AZIN1: variants seen among roughly 807,000 people sequenced by gnomAD.
AZIN1 encodes antizyme inhibitor 1, also known as ornithine decarboxylase antizyme inhibitor.
A neutral mutation model predicts 47.4 loss-of-function variants in AZIN1; 12 were observed. The observed-to-expected ratio is 0.25, with a 90% CI of 0.16 to 0.41. The LOEUF (loss-of-function observed/expected upper bound fraction) is 0.41. Among genes scored for constraint, AZIN1 ranks in the 10% least tolerant of loss-of-function variants. The pLI, the probability that AZIN1 is intolerant of heterozygous loss-of-function variation, is 1.00. For synonymous variants in AZIN1, 155 were observed against 176.3 expected (o/e 0.88, Z 0.96); for missense variants, 410 against 532.4 (o/e 0.77, Z 2.26).
chr8:102,834,221 C>T lies in AZIN1; in HGVS notation c.709G>A (p.Gly237Arg). 1 of 1,612,734 alleles carries T rather than the reference C, an allele frequency of 6.2e-7. No homozygotes were observed. The highest frequency in any genetic ancestry group is 8.5e-7 in the Non-Finnish European group (1 of 1,179,772). ...FTMNMLDIGG[G>R]FTGTEFQLEE... The stretch of plus-strand genomic sequence containing the variant: ...AATTGAAATTCAGTTCCCGTGAATC[C>T]TCCACCAATGTCTAACATGTTCATC... The change falls in exon 8 of 12, where the codon GGA becomes AGA. Residue 237 changes from glycine (G) to arginine (R), a missense_variant. By Grantham distance (125) the Gly-to-Arg change is moderately radical (BLOSUM62 -2). Coordinates refer to ENST00000337198, the MANE Select transcript of AZIN1 (RefSeq NM_148174.4).
At chr8:102,844,660 T>C (rs1389683139) in intron 2 of AZIN1, among the ~76,000 whole-genome samples, 1 of 151,668 alleles carries the variant, frequency 6.6e-6, no homozygotes, top group Non-Finnish European at 1.5e-5. Context: ...TCATAGAGCA[T>C]ATAAATTAAA....
At position 102,843,532 on chromosome 8, in the gene AZIN1, T is replaced by G. The variant is rs1251904702; in HGVS notation, c.102+19A>C. 6.3e-7 allele frequency: 1 copy of G among 1,597,154 alleles called. No homozygotes were observed. The highest frequency in any genetic ancestry group is 1.3e-5 in the African/African-American group (1 of 74,688). ...AGCTTGGAAAATGACAAACACTGTA[T>G]TTGAGAAATGGCACTTACCAGGGTA... On this transcript the variant is annotated intron_variant, in intron 3 of 11. Coordinates refer to ENST00000337198, the MANE Select transcript of AZIN1 (RefSeq NM_148174.4).
At chr8:102,853,786 C>T (rs528322542) in intron 2 of AZIN1, among the ~76,000 whole-genome samples, 1 of 151,506 alleles carries the variant, frequency 6.6e-6, no homozygotes, top group African/African-American at 2.4e-5. Flanking sequence ...GTATCAACCG[C>T]CATTAATGAA....
rs553845422 is a variant in AZIN1, at chr8:102,832,215, T to G, written c.904+841A>C. ...TCAAGGAGAAATGACGAATTCAATGTGGTCCTGGACTGGATTCTAAGCAAG... is the reference window on the plus strand; with the variant it reads ...TCAAGGAGAAATGACGAATTCAATGGGGTCCTGGACTGGATTCTAAGCAAG... On this transcript the variant is annotated intron_variant, in intron 9 of 11. Transcript: ENST00000337198. Among the ~76,000 whole-genome samples the G allele has an allele frequency of 7.9e-4, 120 of 152,222 alleles. 3 individuals are homozygous for G. In the South Asian group the frequency reaches 0.016, roughly 20 times the overall value.
At chr8:102,858,202 T>G (rs891563929) in intron 1 of AZIN1, 52 bp from the exon 2 acceptor site, 53 of 398,254 alleles carry the variant, frequency 1.3e-4, no homozygotes, top group Admixed American at 3.5e-4. Flanking sequence ...TAAAAAAATG[T>G]TTAGGCTGAC....
intron 3 of AZIN1, among the ~76,000 whole-genome samples, chr8:102,840,307 T>C (rs138376208): frequency 6.6e-6 from 1 of 152,318 alleles, no homozygotes; most frequent in African/African-American, 2.4e-5. Flanking sequence ...GACAACATGG[T>C]AAAATAAGAG....
chr8:102,839,932 CAT>C (rs1478267380), intron 3 of AZIN1, 109 bp from the exon 4 acceptor site: 16 of 646,306 alleles, frequency 2.5e-5, no homozygotes, highest in Non-Finnish European at 3.5e-5. Context: ...TGGGTCAAGA[CAT>C]ATATTTACAT....
chr8:102,834,514 G>A, intron 7 of AZIN1, 152 bp downstream of exon 7: 1 of 661,290 alleles, frequency 1.5e-6, no homozygotes, highest in South Asian at 2.0e-5. Flanking sequence ...AGGTGTGACT[G>A]TACAGAGCTC....
chr8:102,834,176 C>T lies in AZIN1; in HGVS notation c.741+13G>A. ...GCAATTATTCTGTTAATGTCATCTA[C>T]TGAGAAGTTTACCTCTTCCAATTGA... On this transcript the variant is annotated intron_variant, in intron 8 of 11. Coordinates refer to ENST00000337198, the MANE Select transcript of AZIN1 (RefSeq NM_148174.4). 1 of 1,605,474 alleles carries T rather than the reference C, an allele frequency of 6.2e-7. No homozygotes were observed.
At chr8:102,852,701 C>T (rs1444012700) in intron 2 of AZIN1, among the ~76,000 whole-genome samples, 3 of 152,164 alleles carry the variant, frequency 2.0e-5, no homozygotes, top group South Asian at 2.1e-4. Context: ...TCCTAATCCC[C>T]GTAACCCAGT....
At chr8:102,863,563 C>G (rs932984491) in intron 1 of AZIN1, among the ~76,000 whole-genome samples, 4 of 151,102 alleles carry the variant, frequency 2.6e-5, no homozygotes, top group Non-Finnish European at 5.9e-5. Flanking sequence ...ACTGCTGCGG[C>G]TCCGGCTCCG....
chr8:102,844,750 A>G (rs1186316205), intron 2 of AZIN1, among the ~76,000 whole-genome samples: 1 of 152,320 alleles, frequency 6.6e-6, no homozygotes, highest in East Asian at 1.9e-4. Flanking sequence ...ATTAGAAACT[A>G]CATTTGTAAA....
chr8:102,863,363 T>C (rs574025009), intron 1 of AZIN1, among the ~76,000 whole-genome samples: 3,429 of 149,338 alleles, frequency 0.023, 112 homozygotes, highest in African/African-American at 0.078. Flanking sequence ...GAGGCAAAGG[T>C]GGCGGCGGCG....
At chr8:102,856,159 A>G (rs1813281912) in intron 2 of AZIN1, 1 of 150,270 alleles carries the variant, frequency 6.7e-6, no homozygotes, top group South Asian at 2.1e-4. Flanking sequence ...ATTTTTTTAA[A>G]GACTTTTTGG....
Position 102,834,903 on chromosome 8 carries a change from C to T in AZIN1, c.585-156G>A, listed in dbSNP as rs117057089. 5.6e-3 allele frequency: 3,189 copies of T among 566,232 alleles called. 11 individuals carry two copies. The highest frequency in any genetic ancestry group is 8.3e-3 in the Non-Finnish European group (2,688 of 325,132). 35.1% of individuals were successfully genotyped at this position (566,232 alleles called of 1,614,324 possible). On this transcript the variant is annotated intron_variant, in intron 6 of 11. Transcript: ENST00000337198. Reference sequence around the variant, plus strand: ...TATTAGAAGCATTAGCTTCTAATTACCCAAAAGTTACAGTACCAGCTTTAT... The same window carrying T: ...TATTAGAAGCATTAGCTTCTAATTATCCAAAAGTTACAGTACCAGCTTTAT...
intron 2 of AZIN1, 150 bp from the exon 3 acceptor site, chr8:102,843,897 C>A: frequency 3.5e-6 from 2 of 577,924 alleles, no homozygotes; most frequent in South Asian, 3.1e-5. Flanking sequence ...CCTTTAACGC[C>A]CATTTAAAAA....
At position 102,834,689 on chromosome 8, in the gene AZIN1, C is replaced by T. The variant is rs1368999828; in HGVS notation, c.643G>A (p.Ala215Thr). Residue 215 changes from alanine (A) to threonine (T), a missense_variant, in exon 7 of 12, where the codon GCT (alanine) becomes ACT (threonine). Physicochemically the swap from Ala to Thr is moderately conservative, Grantham distance 58. Coordinates refer to ENST00000337198, the MANE Select transcript of AZIN1 (RefSeq NM_148174.4). ...SQVYVHALSD[A>T]RCVFDMAGEI... ...ACAGCCATGTCAAACACACATCGAG[C>T]ATCAGATAGAGCATGTACATATACT... 14 of 1,610,460 alleles carry T rather than the reference C, an allele frequency of 8.7e-6. No individual in the cohort carries two copies. The highest frequency in any genetic ancestry group is 3.3e-4 in the Middle Eastern group (2 of 6,070).
intron 9 of AZIN1, among the ~76,000 whole-genome samples, chr8:102,831,958 T>TAGCATCATC (rs916615345): frequency 8.6e-5 from 13 of 152,006 alleles, no homozygotes; most frequent in African/African-American, 3.1e-4. Flanking sequence ...AAAAAACACC[T>TAGCATCATC]AGCATCATCA....
At chr8:102,854,080 G>A (rs918694557) in intron 2 of AZIN1, among the ~76,000 whole-genome samples, 5 of 151,872 alleles carry the variant, frequency 3.3e-5, no homozygotes, top group Non-Finnish European at 5.9e-5. Context: ...GATTACATGC[G>A]TGCACCACCA....
Sources: gnomAD v4.1 joint callset for allele counts (sites outside exome capture counted in the v4.1 genomes callset) on GRCh38, gnomAD v4.1.1 for gene constraint, MANE v1.5 for transcripts, NCBI Gene and HGNC (gene_info 2026-07-23, HGNC 2026-07-21) for gene names.